The following SDC2 variants were observed in gnomAD, a reference collection of about 807,000 sequenced individuals.
SDC2 encodes syndecan-2.
SDC2 carries 13 observed loss-of-function variants against 22.2 expected under a neutral mutation model. The observed-to-expected ratio is 0.59, with a 90% confidence interval of 0.38 to 0.93. SDC2 has a LOEUF of 0.93. SDC2 is among the 40% of genes least tolerant of loss of function. SDC2 has a pLI of 0.00. For missense variants in SDC2, 235 were observed against 246.8 expected (o/e 0.95, Z 0.32); for synonymous variants, 94 against 92.8 (o/e 1.01, Z -0.07).
At chr8:96,519,210 G>T (rs1813456219) in intron 1 of SDC2, among the ~76,000 whole-genome samples, 1 of 152,096 alleles carries the variant, frequency 6.6e-6, no homozygotes, top group Non-Finnish European at 1.5e-5. Flanking sequence ...TGCCCAGAGT[G>T]CAGTGCTTCC....
chr8:96,592,605 T>C (rs1814800549), intron 1 of SDC2, among the ~76,000 whole-genome samples: 1 of 152,216 alleles, frequency 6.6e-6, no homozygotes, highest in African/African-American at 2.4e-5. Flanking sequence ...CTCCAGTTCA[T>C]GCAAGTTCTT....
At position 96,602,496 on chromosome 8, in the gene SDC2, A is replaced by G; in HGVS notation, c.274A>G (p.Asn92Asp). The G allele has an allele frequency of 1.2e-6, 2 of 1,614,200 alleles. No individual in the cohort carries two copies. The highest frequency in any genetic ancestry group is 1.7e-6 in the Non-Finnish European group (2 of 1,180,020). ...TCCAAAAGTGGAAACCACGACGCTG[A>G]ATATACAGAACAAGATACCTGCTCA... ...AAPKVETTTL[N>D]IQNKIPAQTK... Residue 92 changes from asparagine (N) to aspartate (D), a missense_variant, in exon 3 of 5, where the codon AAT (asparagine) becomes GAT (aspartate). Transcript: ENST00000302190.
intron 1 of SDC2, among the ~76,000 whole-genome samples, chr8:96,561,928 T>G (rs1428339137): frequency 6.6e-6 from 1 of 152,344 alleles, no homozygotes; most frequent in Middle Eastern, 3.4e-3. Flanking sequence ...TCCAAATATT[T>G]TTTCCTAGTC....
intron 1 of SDC2, among the ~76,000 whole-genome samples, chr8:96,526,745 G>A (rs926020212): frequency 3.3e-5 from 5 of 152,124 alleles, no homozygotes; most frequent in Non-Finnish European, 7.3e-5. Context: ...GTTAAGTCAG[G>A]GAACTAAAAC....
chr8:96,587,869 T>A (rs2130621787), intron 1 of SDC2, among the ~76,000 whole-genome samples: 1 of 152,182 alleles, frequency 6.6e-6, no homozygotes, highest in Admixed American at 6.5e-5. Flanking sequence ...AGGGACGAGG[T>A]AGGCAGCATG....
chr8:96,588,129 G>A (rs898983382), intron 1 of SDC2, among the ~76,000 whole-genome samples: 1 of 152,224 alleles, frequency 6.6e-6, no homozygotes, highest in Non-Finnish European at 1.5e-5. Context: ...CAGTGCAGCA[G>A]AAAGAGCCCA....
chr8:96,571,981 T>G (rs1814403004), intron 1 of SDC2, among the ~76,000 whole-genome samples: 1 of 152,156 alleles, frequency 6.6e-6, no homozygotes, highest in South Asian at 2.1e-4. Flanking sequence ...AAGGGTTGGC[T>G]TTCTCAGTAG....
At chr8:96,542,189 C>T (rs1334598946) in intron 1 of SDC2, among the ~76,000 whole-genome samples, 5 of 152,194 alleles carry the variant, frequency 3.3e-5, no homozygotes, top group Admixed American at 1.3e-4. Flanking sequence ...TCATTTTAAC[C>T]GGCTGCTGCT....
chr8:96,494,675 G>C (rs550435940), intron 1 of SDC2, among the ~76,000 whole-genome samples: 7 of 152,282 alleles, frequency 4.6e-5, no homozygotes, highest in South Asian at 2.1e-4. Context: ...GTGGCAGGAG[G>C]GGGGAGCCTG....
chr8:96,517,535 TTTC>T (rs977267608), intron 1 of SDC2, among the ~76,000 whole-genome samples: 100 of 152,292 alleles, frequency 6.6e-4, no homozygotes, highest in African/African-American at 2.4e-3. Flanking sequence ...TACAGTTTAT[TTTC>T]TTCTTTATGC....
At chr8:96,535,044 C>T (rs940884126) in intron 1 of SDC2, among the ~76,000 whole-genome samples, 1 of 151,278 alleles carries the variant, frequency 6.6e-6, no homozygotes, top group African/African-American at 2.5e-5. Context: ...CCCTCTCTAG[C>T]CCAGGCTGGA....
At chr8:96,577,009 C>CGGT (rs1814516406) in intron 1 of SDC2, among the ~76,000 whole-genome samples, 1 of 152,118 alleles carries the variant, frequency 6.6e-6, no homozygotes, top group Non-Finnish European at 1.5e-5. Flanking sequence ...GTGGATGGAA[C>CGGT]GGTGGTGCAA....
chr8:96,503,012 G>T (rs192931874), intron 1 of SDC2, among the ~76,000 whole-genome samples: 5 of 152,292 alleles, frequency 3.3e-5, no homozygotes, highest in Admixed American at 3.3e-4. Context: ...CTTTCTTCTT[G>T]TCTTGGGGTA....
chr8:96,596,190 A>G (rs1474364225), intron 2 of SDC2, among the ~76,000 whole-genome samples: 1 of 152,196 alleles, frequency 6.6e-6, no homozygotes, highest in Non-Finnish European at 1.5e-5. Flanking sequence ...GAACTGGGAT[A>G]GTGAGAAAGT....
intron 1 of SDC2, among the ~76,000 whole-genome samples, chr8:96,587,582 G>T (rs556376736): frequency 6.6e-6 from 1 of 152,252 alleles, no homozygotes; most frequent in East Asian, 1.9e-4. Context: ...ATGACAATTG[G>T]TGTACATGGC....
At chr8:96,591,770 G>A (rs772290821) in intron 1 of SDC2, among the ~76,000 whole-genome samples, 1 of 151,928 alleles carries the variant, frequency 6.6e-6, no homozygotes, top group African/African-American at 2.4e-5. Flanking sequence ...AGACAAGCAG[G>A]ACGGAGAATG....
chr8:96,496,495 T>C (rs1813077039), intron 1 of SDC2, among the ~76,000 whole-genome samples: 1 of 152,218 alleles, frequency 6.6e-6, no homozygotes, highest in Admixed American at 6.5e-5. Context: ...AGAAGCTGTT[T>C]CAAGGCCCAG....
intron 2 of SDC2, among the ~76,000 whole-genome samples, chr8:96,601,640 CAA>C (rs749025894): frequency 1.8e-4 from 12 of 66,668 alleles, no homozygotes; most frequent in Admixed American, 1.9e-4. Flanking sequence ...ACTCCATCTC[CAA>C]AAAAAAAAAA....
intron 1 of SDC2, among the ~76,000 whole-genome samples, chr8:96,497,010 A>G (rs1813087733): frequency 6.6e-6 from 1 of 152,214 alleles, no homozygotes; most frequent in South Asian, 2.1e-4. Context: ...ATGACTGTTT[A>G]TCTTTAGAAA....
Sources: allele counts gnomAD v4.1 joint callset (sites outside exome capture counted in the v4.1 genomes callset), GRCh38; gene constraint gnomAD v4.1.1; transcripts MANE v1.5; gene names NCBI Gene and HGNC (gene_info 2026-07-23, HGNC 2026-07-21).